SUPT3H: variants seen among roughly 807,000 people sequenced by gnomAD.
SUPT3H encodes transcription initiation protein SPT3 homolog.
In SUPT3H, 44 loss-of-function variants were observed where a neutral mutation model predicts 44.3. That is an observed-to-expected ratio of 0.99 (90% CI 0.78 to 1.28). The LOEUF is 1.28. Ranked by LOEUF, SUPT3H falls within the 50% of genes most tolerant of loss-of-function variation. The pLI, the probability that SUPT3H is intolerant of heterozygous loss-of-function variation, is 0.00. For synonymous variants in SUPT3H, 124 were observed against 125.6 expected (o/e 0.99, Z 0.09); for missense variants, 380 against 387.1 (o/e 0.98, Z 0.15).
intron 2 of SUPT3H, among the ~76,000 whole-genome samples, chr6:45,313,867 G>T (rs1355360670): frequency 6.6e-6 from 1 of 152,078 alleles, no homozygotes; most frequent in African/African-American, 2.4e-5. Flanking sequence ...CGATATCCTT[G>T]ATGAACATAG....
intron 6 of SUPT3H, among the ~76,000 whole-genome samples, chr6:44,982,002 T>C (rs914343380): frequency 4.6e-5 from 7 of 152,112 alleles, no homozygotes; most frequent in Admixed American, 1.3e-4. Flanking sequence ...GATCTCACTA[T>C]TGTGCTCCAG....
At chr6:45,340,355 A>T (rs1007407707) in intron 2 of SUPT3H, among the ~76,000 whole-genome samples, 2 of 152,020 alleles carry the variant, frequency 1.3e-5, no homozygotes, top group African/African-American at 4.8e-5. Context: ...ACAAGGTCTC[A>T]CTCTGTCACC....
At chr6:44,868,255 G>A (rs866897893) in intron 10 of SUPT3H, among the ~76,000 whole-genome samples, 3 of 152,156 alleles carry the variant, frequency 2.0e-5, no homozygotes, top group African/African-American at 4.8e-5. Context: ...ACAAGTTCTT[G>A]TTAGAATGTT....
chr6:45,294,483 T>A (rs74376661), intron 2 of SUPT3H, among the ~76,000 whole-genome samples: 22,812 of 151,896 alleles, frequency 0.15, 1,961 homozygotes, highest in East Asian at 0.26. Flanking sequence ...TAGCCAGAGC[T>A]ATCTGACAAG....
intron 2 of SUPT3H, among the ~76,000 whole-genome samples, chr6:45,150,399 C>T (rs910450052): frequency 6.6e-6 from 1 of 152,154 alleles, no homozygotes. Flanking sequence ...AATTTCTGTT[C>T]TTCTAGAGCT....
intron 3 of SUPT3H, among the ~76,000 whole-genome samples, chr6:45,053,611 T>A (rs1003390966): frequency 6.6e-6 from 1 of 151,392 alleles, no homozygotes; most frequent in African/African-American, 2.4e-5. Context: ...AAAGGGTCAC[T>A]CTGATGGCCG....
chr6:45,087,802 A>G (rs1315961929), intron 3 of SUPT3H, among the ~76,000 whole-genome samples: 2 of 151,942 alleles, frequency 1.3e-5, no homozygotes, highest in East Asian at 3.9e-4. Context: ...TACTTATGAA[A>G]TCATGTATTT....
chr6:45,326,918 T>C (rs1469732607), intron 2 of SUPT3H, among the ~76,000 whole-genome samples: 2 of 151,918 alleles, frequency 1.3e-5, no homozygotes, highest in East Asian at 3.9e-4. Flanking sequence ...GGAAGAAGTC[T>C]AACATGCAGA....
chr6:44,983,128 T>C (rs995027646), intron 6 of SUPT3H, among the ~76,000 whole-genome samples: 1 of 152,196 alleles, frequency 6.6e-6, no homozygotes, highest in Non-Finnish European at 1.5e-5. Context: ...TAAAAAATTC[T>C]AAATGGATGT....
intron 10 of SUPT3H, among the ~76,000 whole-genome samples, chr6:44,930,182 T>A (rs1770326794): frequency 6.6e-6 from 1 of 151,980 alleles, no homozygotes; most frequent in African/African-American, 2.4e-5. Flanking sequence ...ATCGAGACCA[T>A]CCTGGCTAAC....
At chr6:44,904,339 A>G (rs1765625378) in intron 10 of SUPT3H, among the ~76,000 whole-genome samples, 1 of 152,206 alleles carries the variant, frequency 6.6e-6, no homozygotes, top group Non-Finnish European at 1.5e-5. Context: ...TACAAAATCA[A>G]CCTGCAAAAA....
At chr6:45,296,213 C>CACACACACACACACAA (rs1491096772) in intron 2 of SUPT3H, among the ~76,000 whole-genome samples, 1 of 151,178 alleles carries the variant, frequency 6.6e-6, no homozygotes, top group Non-Finnish European at 1.5e-5. Context: ...CACACACACA[C>CACACACACACACACAA]AATGCAACAC....
rs914609345 is a variant in SUPT3H at position 44,829,644 on chromosome 6, C to A, written c.*172G>T. The stretch of plus-strand genomic sequence containing the variant: ...GAACAGCCCATCTAGTAAACAAGAC[C>A]GATGGTTGAGGGGCTGGAAAAGAGG... On this transcript the variant is annotated 3_prime_UTR_variant, in exon 11 of 11. Coordinates refer to ENST00000371459, the MANE Select transcript of SUPT3H (RefSeq NM_003599.4). The A allele has an allele frequency of 3.0e-6, 2 of 674,938 alleles. No individual in the cohort carries two copies. Among genetic ancestry groups the A allele is most frequent in the African/African-American group, 3.6e-5 (2 of 54,816 alleles). The allele number at this position is 674,938 out of a possible 1,614,324, so 41.8% of individuals were successfully genotyped here. A position where few individuals can be genotyped will look rare whatever the true frequency, so the allele number is the denominator to read the frequency against.
intron 2 of SUPT3H, among the ~76,000 whole-genome samples, chr6:45,283,146 G>C (rs1778495843): frequency 6.6e-6 from 1 of 152,132 alleles, no homozygotes; most frequent in Non-Finnish European, 1.5e-5. Flanking sequence ...AAATTGTAAA[G>C]ACCATCGAGG....
At chr6:45,120,113 T>C (rs1362997541) in intron 2 of SUPT3H, among the ~76,000 whole-genome samples, 1 of 151,980 alleles carries the variant, frequency 6.6e-6, no homozygotes, top group Non-Finnish European at 1.5e-5. Flanking sequence ...ACATAGTTAA[T>C]AAGTGGCAGA....
intron 2 of SUPT3H, among the ~76,000 whole-genome samples, chr6:45,127,007 T>A (rs776477293): frequency 6.6e-6 from 1 of 152,122 alleles, no homozygotes; most frequent in Non-Finnish European, 1.5e-5. Flanking sequence ...CCAAAACCAA[T>A]ATTATTAATA....
chr6:45,020,731 A>T (rs1785010100), intron 3 of SUPT3H, 99 bp from the exon 4 acceptor site: 1 of 729,534 alleles, frequency 1.4e-6, no homozygotes, highest in Non-Finnish European at 2.2e-6. Flanking sequence ...AAGAGTTAAA[A>T]ACCTTTGGGA....
chr6:45,019,039 T>C (rs1431735964), intron 4 of SUPT3H, among the ~76,000 whole-genome samples: 1 of 152,234 alleles, frequency 6.6e-6, no homozygotes, highest in East Asian at 1.9e-4. Flanking sequence ...GTTGTTGGTC[T>C]ATTCAGAGAT....
chr6:45,252,491 A>G (rs1772546807), intron 2 of SUPT3H, among the ~76,000 whole-genome samples: 1 of 152,198 alleles, frequency 6.6e-6, no homozygotes, highest in Admixed American at 6.5e-5. Context: ...CCATTGAATA[A>G]TTCACTCGTT....
Sources: allele counts gnomAD v4.1 joint callset (sites outside exome capture counted in the v4.1 genomes callset), GRCh38; gene constraint gnomAD v4.1.1; transcripts MANE v1.5; gene names NCBI Gene and HGNC (gene_info 2026-07-23, HGNC 2026-07-21).